The following CPD variants were observed in gnomAD, a reference collection of about 807,000 sequenced individuals.
CPD encodes metallocarboxypeptidase D.
CPD carries 69 observed loss-of-function variants against 138.3 expected under a neutral mutation model. The observed-to-expected ratio is 0.50, with a 90% CI of 0.41 to 0.61. The LOEUF is 0.61. CPD is among the 20% of genes least tolerant of loss of function. The pLI is 0.00. For missense variants in CPD, 1,432 were observed against 1,733.3 expected (o/e 0.83, Z 3.09); for synonymous variants, 651 against 642.1 (o/e 1.01, Z -0.21).
intron 2 of CPD, among the ~76,000 whole-genome samples, chr17:30,400,124 AATT>A (rs1911614625): frequency 6.6e-6 from 1 of 152,090 alleles, no homozygotes; most frequent in South Asian, 2.1e-4. Context: ...CACTGAATAT[AATT>A]ATTGTTATGT....
chr17:30,452,165 A>G (rs1192644409), intron 14 of CPD, among the ~76,000 whole-genome samples: 2 of 152,148 alleles, frequency 1.3e-5, no homozygotes, highest in African/African-American at 4.8e-5. Context: ...ACACACACGT[A>G]TGTATATTGA....
chr17:30,455,963 A>T (rs1400919818), intron 15 of CPD: 1 of 350,180 alleles, frequency 2.9e-6, no homozygotes, highest in Admixed American at 4.6e-5. Context: ...GAATATTGTT[A>T]TTAGGCTACA....
At chr17:30,424,403 G>A (rs1912346865) in intron 6 of CPD, among the ~76,000 whole-genome samples, 1 of 152,128 alleles carries the variant, frequency 6.6e-6, no homozygotes, top group South Asian at 2.1e-4. Flanking sequence ...GCATAATGAG[G>A]CATGTCTGAC....
intron 2 of CPD, among the ~76,000 whole-genome samples, chr17:30,406,289 G>A (rs1288098998): frequency 6.6e-6 from 1 of 151,980 alleles, no homozygotes; most frequent in Non-Finnish European, 1.5e-5. Flanking sequence ...AATAAAAGAG[G>A]CTTGTCTCCA....
Position 30,462,073 on chromosome 17 carries a change from C to T in CPD, c.3816+11C>T, listed in dbSNP as rs1337367468. 1.3e-6 allele frequency: 2 copies of T among 1,596,868 alleles called. No homozygotes were observed. The highest frequency in any genetic ancestry group is 1.7e-6 in the Non-Finnish European group (2 of 1,173,548). On this transcript the variant is annotated intron_variant, in intron 19 of 20. Coordinates refer to ENST00000225719, the MANE Select transcript of CPD (RefSeq NM_001304.5). Reference sequence around the variant, plus strand: ...CAACAACATTCACAGGTAAGAAACTCAAATTGAGTAGCATCATGTAAATTT... The same window carrying T: ...CAACAACATTCACAGGTAAGAAACTTAAATTGAGTAGCATCATGTAAATTT...
At chr17:30,444,547 C>CAGAGCT (rs1472308685) in intron 11 of CPD, among the ~76,000 whole-genome samples, 1 of 105,432 alleles carries the variant, frequency 9.5e-6, no homozygotes. Flanking sequence ...TTTTTTGAGA[C>CAGAGCT]AGAGCTTCTC....
chr17:30,459,146 CT>C (rs34756707), intron 17 of CPD, among the ~76,000 whole-genome samples: 13,278 of 64,832 alleles, frequency 0.2, 1,179 homozygotes, highest in African/African-American at 0.38. Flanking sequence ...GCCAGTATCA[CT>C]TTTTTTTTTT....
At chr17:30,444,155 AAAG>A in intron 11 of CPD, 184 bp downstream of exon 11, 1 of 483,706 alleles carries the variant, frequency 2.1e-6, no homozygotes, top group Non-Finnish European at 3.6e-6. Flanking sequence ...AAAAAAAAAA[AAAG>A]GAAAGATTCC....
intron 17 of CPD, among the ~76,000 whole-genome samples, chr17:30,457,052 T>C (rs1210307458): frequency 1.3e-5 from 2 of 152,076 alleles, no homozygotes; most frequent in African/African-American, 4.8e-5. Flanking sequence ...TAATTAAATG[T>C]TGTGCCCCAA....
chr17:30,401,444 A>ATCTTCTTCTTCTTCTTCC (rs1205264341), intron 2 of CPD, among the ~76,000 whole-genome samples: 1 of 94,428 alleles, frequency 1.1e-5, no homozygotes, highest in African/African-American at 4.2e-5. Flanking sequence ...CTTCTTCCTC[A>ATCTTCTTCTTCTTCTTCC]TCTTCTTCTT....
chr17:30,399,247 T>C (rs751301673), intron 2 of CPD, among the ~76,000 whole-genome samples: 21 of 152,134 alleles, frequency 1.4e-4, no homozygotes, highest in Non-Finnish European at 2.9e-4. Context: ...TGGTCAGACT[T>C]GGTGCATGTT....
chr17:30,411,791 G>A (rs747609034), intron 2 of CPD, among the ~76,000 whole-genome samples: 7 of 152,094 alleles, frequency 4.6e-5, no homozygotes, highest in African/African-American at 1.4e-4. Context: ...GCTTCCTTGC[G>A]ATGGGTTAGA....
rs558001392 is a variant in CPD, at chr17:30,399,426, A to G, written c.994+14190A>G. Among the ~76,000 whole-genome samples the G allele has an allele frequency of 1.7e-3, 264 of 152,236 alleles. 1 individual carries two copies. Among genetic ancestry groups the G allele is most frequent in the African/African-American group, 6.0e-3 (250 of 41,534 alleles). On this transcript the variant is annotated intron_variant, in intron 2 of 20. Coordinates refer to ENST00000225719, the MANE Select transcript of CPD (RefSeq NM_001304.5). The stretch of plus-strand genomic sequence containing the variant: ...GAAGAATGTTGAAATGTGCAACCAA[A>G]ATTGTGGATTTACCCATTTTTCCTT...
intron 13 of CPD, among the ~76,000 whole-genome samples, chr17:30,451,088 A>G (rs1282887323): frequency 6.6e-6 from 1 of 152,192 alleles, no homozygotes; most frequent in Non-Finnish European, 1.5e-5. Flanking sequence ...CAACCCTGTG[A>G]TAATGATTAT....
At chr17:30,426,287 C>T (rs955079078) in intron 6 of CPD, among the ~76,000 whole-genome samples, 5 of 151,906 alleles carry the variant, frequency 3.3e-5, no homozygotes, top group South Asian at 4.2e-4. Flanking sequence ...ACCATGGTAT[C>T]GCAGTAAAGA....
chr17:30,413,199 A>C (rs778591120), intron 2 of CPD, among the ~76,000 whole-genome samples: 11 of 152,230 alleles, frequency 7.2e-5, no homozygotes, highest in Non-Finnish European at 1.5e-4. Flanking sequence ...AAAGATTTTC[A>C]ATAAATATTA....
chr17:30,465,479 A>G lies in CPD; in HGVS notation c.*665A>G, dbSNP rs1447211842. On this transcript the variant is annotated 3_prime_UTR_variant, in exon 21 of 21. Transcript: ENST00000225719. ...CTCTTAAGGTTTAGCAAACTTCTAA[A>G]TAGCCCATTTTAAGGGAGAACTTAC... The G allele has an allele frequency of 2.6e-5, 4 of 152,686 alleles. No individual in the cohort carries two copies. Among genetic ancestry groups the G allele is most frequent in the African/African-American group, 4.8e-5 (2 of 41,460 alleles). The allele number at this position is 152,686 out of a possible 1,614,324, so 9.5% of individuals were successfully genotyped here.
At chr17:30,412,005 C>T (rs1021235646) in intron 2 of CPD, among the ~76,000 whole-genome samples, 17 of 152,094 alleles carry the variant, frequency 1.1e-4, no homozygotes, top group African/African-American at 4.1e-4. Flanking sequence ...TTTTATCTAC[C>T]TTTGGTCTTT....
At chr17:30,387,614 G>T (rs1025374368) in intron 2 of CPD, among the ~76,000 whole-genome samples, 2 of 152,108 alleles carry the variant, frequency 1.3e-5, no homozygotes, top group African/African-American at 4.8e-5. Flanking sequence ...TTCTTTTCTA[G>T]GAGTCTGCCC....
Sources: allele counts gnomAD v4.1 joint callset (sites outside exome capture counted in the v4.1 genomes callset), GRCh38; gene constraint gnomAD v4.1.1; transcripts MANE v1.5; gene names NCBI Gene and HGNC (gene_info 2026-07-23, HGNC 2026-07-21).